ELF4: variants seen among roughly 807,000 people sequenced by gnomAD.
The protein encoded by ELF4 is E74 like ETS transcription factor 4.
Under a neutral mutation model 31.7 loss-of-function variants are expected in ELF4, and 10 were observed. That is an observed-to-expected ratio of 0.32 (90% CI 0.19 to 0.54). ELF4 has a LOEUF of 0.54. Ranked by LOEUF, ELF4 falls within the 20% of genes least tolerant of loss-of-function variation. The probability of loss-of-function intolerance (pLI) is 0.95; values close to 1 mark genes in which losing one functional copy is unlikely to be tolerated. For synonymous variants in ELF4, 208 were observed against 226.7 expected, an observed-to-expected ratio of 0.92 and a Z score of 0.74; for missense variants, 418 against 522.0, an observed-to-expected ratio of 0.80 and a Z score of 1.94.
chrX:130,086,579 A>T (rs1438151682), intron 1 of ELF4, among the ~76,000 whole-genome samples: 1 of 112,165 alleles, frequency 8.9e-6, no homozygotes, highest in Non-Finnish European at 1.9e-5. Flanking sequence ...GCATCCTAGC[A>T]AGATGTGTGA....
intron 7 of ELF4, among the ~76,000 whole-genome samples, chrX:130,070,771 CAAAAAAAAAA>C (rs748643492): frequency 4.2e-5 from 1 of 24,043 alleles, no homozygotes; most frequent in African/African-American, 1.7e-4. Flanking sequence ...GACTCCATCT[CAAAAAAAAAA>C]AAAAAAAAAG....
rs370238889 is a variant in ELF4 at position 130,069,505 on chromosome X, G to A, written c.982C>T (p.Arg328Trp). The change falls in exon 8 of 9, where the codon CGG (arginine) becomes TGG (tryptophan). Residue 328 changes from arginine (R) to tryptophan (W), a missense_variant. This residue lies in a region of ELF4 where 260 missense variants were observed against 269.2 expected (regional missense o/e 0.97). Transcript: ENST00000308167. ...TASVASASTT[R>W]RTSSRVSSRS... ...GATGAGACCCTGGAGCTGGTTCGCCGGGTGGTACTGGCAGAGGCCACAGAG... is the reference window on the plus strand; with the variant it reads ...GATGAGACCCTGGAGCTGGTTCGCCAGGTGGTACTGGCAGAGGCCACAGAG... The A allele has an allele frequency of 1.0e-4, 121 of 1,211,393 alleles. No individual in the cohort carries two copies. Among genetic ancestry groups the A allele is most frequent in the East Asian group, 2.1e-4 (7 of 33,806 alleles).
Position 130,065,575 on chromosome X carries a change from G to C in ELF4, c.*1146C>G, listed in dbSNP as rs1932645932. 5.7e-6 allele frequency: 1 copy of C among 176,136 alleles called. No homozygotes were observed. The highest frequency in any genetic ancestry group is 1.1e-5 in the Non-Finnish European group (1 of 91,774). 14.5% of individuals were successfully genotyped at this position (176,136 alleles called of 1,213,427 possible). A position where few individuals can be genotyped will look rare whatever the true frequency, so the allele number is the denominator to read the frequency against. On this transcript the variant is annotated 3_prime_UTR_variant, in exon 9 of 9. Coordinates refer to ENST00000308167, the MANE Select transcript of ELF4 (RefSeq NM_001421.4). ...GCTGAGCAGCAGAAACCATGTGGTA[G>C]GTGCCCATGCTTGAGCAGGAATGGG... is the stretch of plus-strand genomic sequence containing the variant.
chrX:130,105,408 G>A (rs1432703358), intron 1 of ELF4, among the ~76,000 whole-genome samples: 2 of 111,492 alleles, frequency 1.8e-5, no homozygotes, highest in Non-Finnish European at 3.8e-5. Flanking sequence ...AAGAAGTCAG[G>A]GCCCTCTGGT....
At chrX:130,099,960 CCATCTGGAACTAA>C (rs1260533316) in intron 1 of ELF4, among the ~76,000 whole-genome samples, 1 of 111,299 alleles carries the variant, frequency 9.0e-6, no homozygotes, top group Non-Finnish European at 1.9e-5. Context: ...TTTAAGGATA[CCATCTGGAACTAA>C]CATGTTTGAG....
In ELF4 at chrX:130,107,278, A is replaced by AAAAAG. The variant is rs746822755; in HGVS notation, c.-210+3042_-210+3046dup. ...GGGCGACAGAGCAAGACTCCATCTC[A>AAAAAG]AAAAGAAAAGAAAAGAAAAGAAAAG... On this transcript the variant is annotated intron_variant, in intron 1 of 8. Transcript: ENST00000308167. Among the ~76,000 whole-genome samples the AAAAAG allele has an allele frequency of 8.3e-3, 914 of 110,234 alleles. 8 individuals are homozygous for AAAAAG. The highest frequency in any genetic ancestry group is 0.018 in the African/African-American group (546 of 30,009).
At chrX:130,093,882 TC>T (rs1433059296) in intron 1 of ELF4, among the ~76,000 whole-genome samples, 33 of 112,033 alleles carry the variant, frequency 2.9e-4, no homozygotes, top group African/African-American at 1.1e-3. Flanking sequence ...CTCTCTCAGC[TC>T]GGGGCCATAT....
chrX:130,071,282 G>A, intron 6 of ELF4, 50 bp from the exon 7 acceptor site: 1 of 1,210,822 alleles, frequency 8.3e-7, no homozygotes, highest in South Asian at 1.8e-5. Flanking sequence ...GGGGCACCCT[G>A]GCAGCAGGGA....
At chrX:130,070,523 C>T (rs1300830526) in intron 7 of ELF4, among the ~76,000 whole-genome samples, 1 of 108,518 alleles carries the variant, frequency 9.2e-6, no homozygotes, top group Non-Finnish European at 1.9e-5. Context: ...TGCAGTGAGC[C>T]GAGATCGTGC....
At chrX:130,074,540 C>T (rs1161773653) in intron 3 of ELF4, 41 bp downstream of exon 3, 1 of 1,211,076 alleles carries the variant, frequency 8.3e-7, no homozygotes, top group Non-Finnish European at 1.1e-6. Flanking sequence ...GACACAGCCC[C>T]TTTTTCTACC....
intron 1 of ELF4, among the ~76,000 whole-genome samples, chrX:130,104,590 T>A (rs192257896): frequency 8.9e-6 from 1 of 111,797 alleles, no homozygotes; most frequent in Non-Finnish European, 1.9e-5. Flanking sequence ...GCTGAGTGCT[T>A]TATATGCATC....
intron 2 of ELF4, among the ~76,000 whole-genome samples, chrX:130,080,942 T>C (rs1932882265): frequency 8.9e-6 from 1 of 112,650 alleles, no homozygotes; most frequent in Admixed American, 9.4e-5. Flanking sequence ...CCTTATGCGT[T>C]TGGTCCATGT....
intron 1 of ELF4, among the ~76,000 whole-genome samples, chrX:130,089,030 C>A (rs1933007370): frequency 9.0e-6 from 1 of 111,196 alleles, no homozygotes; most frequent in South Asian, 3.7e-4. Context: ...GACAGTACTT[C>A]AGGCACAAGA....
chrX:130,095,346 A>G (rs1933131067), intron 1 of ELF4, among the ~76,000 whole-genome samples: 1 of 112,747 alleles, frequency 8.9e-6, no homozygotes, highest in Non-Finnish European at 1.9e-5. Flanking sequence ...GAAAAACAGT[A>G]GAAGTGAGGC....
intron 1 of ELF4, among the ~76,000 whole-genome samples, chrX:130,097,471 A>G (rs909954530): frequency 3.6e-5 from 4 of 111,549 alleles, no homozygotes; most frequent in African/African-American, 1.3e-4. Context: ...AAAAGAAAGG[A>G]AAAAAAGCGA....
chrX:130,088,203 G>T (rs763647742), intron 1 of ELF4, among the ~76,000 whole-genome samples: 1 of 110,192 alleles, frequency 9.1e-6, no homozygotes, highest in African/African-American at 3.3e-5. Context: ...ACTCCAGCCT[G>T]GGCGACAAGA....
Position 130,069,683 on chromosome X carries a change from G to A in ELF4, c.810-6C>T. On this transcript the variant is annotated splice_polypyrimidine_tract_variant and splice_region_variant and intron_variant, in intron 7 of 8. Coordinates refer to ENST00000308167, the MANE Select transcript of ELF4 (RefSeq NM_001421.4). ...TGCCTCTTTGGTAGTAGTATCTAGA[G>A]GAAGAGGGGCAGGGAGTTGGGAGTT... is the stretch of plus-strand genomic sequence containing the variant. 8.3e-7 allele frequency: 1 copy of A among 1,211,277 alleles called. No homozygotes were observed. The highest frequency in any genetic ancestry group is 1.1e-6 in the Non-Finnish European group (1 of 895,608).
At chrX:130,110,106 C>G (rs1355299159) in intron 1 of ELF4, among the ~76,000 whole-genome samples, 1 of 111,758 alleles carries the variant, frequency 8.9e-6, no homozygotes, top group Admixed American at 9.2e-5. Context: ...GACTCCCCGA[C>G]TCGGGGAATC....
intron 2 of ELF4, among the ~76,000 whole-genome samples, chrX:130,080,913 A>C (rs1932881782): frequency 8.9e-6 from 1 of 112,649 alleles, no homozygotes; most frequent in South Asian, 3.6e-4. Context: ...CGAAAAATGC[A>C]TCTGATGGTC....
Sources: gnomAD v4.1 joint callset for allele counts (sites outside exome capture counted in the v4.1 genomes callset) on GRCh38, gnomAD v4.1.1 for gene constraint, gnomAD v4.1.1 regional missense constraint, MANE v1.5 for transcripts, NCBI Gene and HGNC (gene_info 2026-07-23, HGNC 2026-07-21) for gene names.